GNB5: variants seen among roughly 807,000 people sequenced by gnomAD.
GNB5 encodes the protein guanine nucleotide-binding protein subunit beta-5.
Under a neutral mutation model 55.3 loss-of-function variants are expected in GNB5, and 37 were observed. That is an observed-to-expected ratio of 0.67 (90% CI 0.51 to 0.88). The LOEUF (loss-of-function observed/expected upper bound fraction) is 0.88. GNB5 is among the 40% of genes least tolerant of loss of function. GNB5 has a pLI of 0.00. For missense variants in GNB5, 476 were observed against 515.3 expected (o/e 0.92, Z 0.74); for synonymous variants, 219 against 198.5 (o/e 1.10, Z -0.87).
At chr15:52,171,945 C>A (rs75874171) in intron 3 of GNB5, among the ~76,000 whole-genome samples, 2 of 152,188 alleles carry the variant, frequency 1.3e-5, no homozygotes, top group African/African-American at 4.8e-5. Context: ...ACAATATTAG[C>A]ATCTGCCTCA....
chr15:52,142,579 T>C (rs930554767), intron 6 of GNB5, among the ~76,000 whole-genome samples: 5 of 152,042 alleles, frequency 3.3e-5, no homozygotes, highest in African/African-American at 1.2e-4. Flanking sequence ...TTTTAATATA[T>C]GTATGACCCC....
At chr15:52,150,247 C>A (rs1319152447) in intron 4 of GNB5, among the ~76,000 whole-genome samples, 1 of 152,200 alleles carries the variant, frequency 6.6e-6, no homozygotes, top group Non-Finnish European at 1.5e-5. Flanking sequence ...TCGTCACCTG[C>A]CATACCCTAA....
At chr15:52,186,198 TG>T (rs1230304915) in intron 1 of GNB5, among the ~76,000 whole-genome samples, 1 of 152,230 alleles carries the variant, frequency 6.6e-6, no homozygotes, top group African/African-American at 2.4e-5. Context: ...CGCTAATCAA[TG>T]TTATTTCTGT....
At chr15:52,154,257 G>C (rs1312452928) in intron 3 of GNB5, among the ~76,000 whole-genome samples, 181 bp from the exon 4 acceptor site, 2 of 152,212 alleles carry the variant, frequency 1.3e-5, no homozygotes, top group Admixed American at 6.5e-5. Context: ...CTTCTTTTAA[G>C]ATCAGTAGAG....
intron 6 of GNB5, among the ~76,000 whole-genome samples, chr15:52,142,362 G>A (rs2033875022): frequency 1.3e-5 from 2 of 152,302 alleles, no homozygotes; most frequent in South Asian, 2.1e-4. Context: ...CTTTAGGGGT[G>A]CAAAAGGGTG....
chr15:52,180,071 G>T (rs2034741697), intron 2 of GNB5, 192 bp from the exon 3 acceptor site: 1 of 584,744 alleles, frequency 1.7e-6, no homozygotes, highest in Admixed American at 4.8e-5. Flanking sequence ...GCGCGCTCTG[G>T]CGCAGTGCCT....
At chr15:52,161,846 T>A (rs554129509) in intron 3 of GNB5, among the ~76,000 whole-genome samples, 55 of 152,210 alleles carry the variant, frequency 3.6e-4, no homozygotes, top group Non-Finnish European at 6.3e-4. Context: ...TAGAGTTGGA[T>A]AACCATGTGG....
chr15:52,157,340 G>A lies in GNB5; in HGVS notation c.239-3264C>T, dbSNP rs139287841. On this transcript the variant is annotated intron_variant, in intron 3 of 12. Coordinates refer to ENST00000261837, the MANE Select transcript of GNB5 (RefSeq NM_016194.4). ...TGGCTCACTGCAACCTCTACCTCCC[G>A]GGTTCAAGTGATTCTCCTGCCTCAG... Among the ~76,000 whole-genome samples the A allele has an allele frequency of 2.2e-3, 334 of 150,482 alleles. 10 individuals are homozygous for A. The highest frequency in any genetic ancestry group is 0.016 in the South Asian group (74 of 4,714).
chr15:52,156,018 G>C (rs765728893), intron 3 of GNB5, among the ~76,000 whole-genome samples: 1 of 152,056 alleles, frequency 6.6e-6, no homozygotes, highest in African/African-American at 2.4e-5. Context: ...GCTGGCAAGT[G>C]GTGATCTTTC....
At chr15:52,178,181 T>C (rs756463497) in intron 3 of GNB5, among the ~76,000 whole-genome samples, 1 of 152,220 alleles carries the variant, frequency 6.6e-6, no homozygotes, top group Non-Finnish European at 1.5e-5. Flanking sequence ...GCTGGCACTC[T>C]GATTGCCTGG....
At chr15:52,164,308 T>C (rs1400918848) in intron 3 of GNB5, among the ~76,000 whole-genome samples, 1 of 50,420 alleles carries the variant, frequency 2.0e-5, no homozygotes, top group African/African-American at 6.8e-5. Flanking sequence ...GACTCTGTCT[T>C]AAAAAAAAAA....
intron 3 of GNB5, among the ~76,000 whole-genome samples, chr15:52,171,590 G>T (rs1566947953): frequency 1.3e-5 from 2 of 152,186 alleles, no homozygotes; most frequent in Admixed American, 6.5e-5. Flanking sequence ...TGCCTCTGAT[G>T]GCTGCAGGAG....
chr15:52,161,251 T>C (rs934035322), intron 3 of GNB5, among the ~76,000 whole-genome samples: 10 of 152,226 alleles, frequency 6.6e-5, no homozygotes, highest in African/African-American at 2.4e-4. Context: ...GGTGAGGCAC[T>C]GACAATGGCT....
chr15:52,185,864 G>A (rs1248471271), intron 1 of GNB5, among the ~76,000 whole-genome samples: 1 of 151,310 alleles, frequency 6.6e-6, no homozygotes, highest in Non-Finnish European at 1.5e-5. Flanking sequence ...CTGCAACCTC[G>A]TTCTCCTGGG....
intron 1 of GNB5, among the ~76,000 whole-genome samples, chr15:52,190,611 A>G (rs1047534418): frequency 2.0e-5 from 3 of 152,154 alleles, no homozygotes; most frequent in African/African-American, 7.2e-5. Context: ...AGTGTGGGCA[A>G]GGATGCAGAG....
At chr15:52,184,151 T>G (rs1413736973) in intron 2 of GNB5, among the ~76,000 whole-genome samples, 1 of 152,252 alleles carries the variant, frequency 6.6e-6, no homozygotes, top group African/African-American at 2.4e-5. Flanking sequence ...GAAAAAAGTA[T>G]TAGCCCTAAG....
chr15:52,149,790 G>C (rs554622127), intron 5 of GNB5, 94 bp downstream of exon 5: 1 of 896,690 alleles, frequency 1.1e-6, no homozygotes, highest in Non-Finnish European at 1.9e-6. Context: ...TACATGGAGA[G>C]AAATCAGGAC....
rs2033366144 is a variant in GNB5 at position 52,124,455 on chromosome 15, GAAA to G, written c.1176+15_1176+17del. ...CTCTCCTCTCACACACAGGAAAACA[GAAA>G]ACCATCCCTCTTACTCTGAGGGTAT... On this transcript the variant is annotated intron_variant, in intron 12 of 12. Coordinates refer to ENST00000261837, the MANE Select transcript of GNB5 (RefSeq NM_016194.4). 2.5e-6 allele frequency: 4 copies of G among 1,601,596 alleles called. No individual in the cohort carries two copies.
Position 52,122,608 on chromosome 15 carries a change from C to G in GNB5, c.*149G>C. ...TTCCAGAGGTGACAGTTTTAATAGT[C>G]ATATTGGAGACGCTTAGTGACCTGT... On this transcript the variant is annotated 3_prime_UTR_variant, in exon 13 of 13. Coordinates refer to ENST00000261837, the MANE Select transcript of GNB5 (RefSeq NM_016194.4). 1 of 685,526 alleles carries G rather than the reference C, an allele frequency of 1.5e-6. No homozygotes were observed. Among genetic ancestry groups the G allele is most frequent in the Non-Finnish European group, 2.6e-6 (1 of 382,522 alleles). The allele number at this position is 685,526 out of a possible 1,614,324, so 42.5% of individuals were successfully genotyped here. A position where few individuals can be genotyped will look rare whatever the true frequency, so the allele number is the denominator to read the frequency against.
Sources: gnomAD v4.1 joint callset for allele counts (sites outside exome capture counted in the v4.1 genomes callset) on GRCh38, gnomAD v4.1.1 for gene constraint, MANE v1.5 for transcripts, NCBI Gene and HGNC (gene_info 2026-07-23, HGNC 2026-07-21) for gene names.